Variants in GCNT3 observed in about 807,000 individuals in gnomAD.
The protein encoded by GCNT3 is beta-1,3-galactosyl-O-glycosyl-glycoprotein beta-1,6-N-acetylglucosaminyltransferase 3.
For missense variants in GCNT3, 708 were observed against 530.3 expected, an observed-to-expected ratio of 1.34 and a Z score of -3.29; for synonymous variants, 269 against 195.2, an observed-to-expected ratio of 1.38 and a Z score of -3.15.
At chr15:59,616,061 A>C (rs1022877881) in intron 1 of GCNT3, among the ~76,000 whole-genome samples, 1 of 152,224 alleles carries the variant, frequency 6.6e-6, no homozygotes, top group Non-Finnish European at 1.5e-5. Flanking sequence ...CTGAAGTCCA[A>C]CAGCCCATAG....
chr15:59,618,936 T>C lies in GCNT3; in HGVS notation c.698T>C (p.Ile233Thr). 2 of 1,614,074 alleles carry C rather than the reference T, an allele frequency of 1.2e-6. No homozygotes were observed. Among genetic ancestry groups the C allele is most frequent in the Non-Finnish European group, 1.7e-6 (2 of 1,180,012 alleles). The change falls in exon 3 of 3, where the codon ATA (isoleucine) becomes ACA (threonine). Residue 233 changes from isoleucine to threonine, a missense_variant. Transcript: ENST00000396065. ...FLNTCGTDFP[I>T]KSNAEMVQAL... ...AATACATGTGGGACGGACTTTCCTA[T>C]AAAGAGCAATGCAGAGATGGTCCAG...
rs529935110 is a variant in GCNT3, at chr15:59,616,696, T to G, written c.-246T>G. On this transcript the variant is annotated 5_prime_UTR_variant, in exon 2 of 3. It adds an upstream start codon to the 5' untranslated region. Coordinates refer to ENST00000396065, the MANE Select transcript of GCNT3 (RefSeq NM_004751.3). Reference sequence around the variant, plus strand: ...CTGCTGCCCTCTACTTTGCAGATATTAAAGAGGAGCCTGAAACTGTTCCTT... The same window carrying G: ...CTGCTGCCCTCTACTTTGCAGATATGAAAGAGGAGCCTGAAACTGTTCCTT... 7.9e-5 allele frequency: 12 copies of G among 152,322 alleles called. No individual in the cohort carries two copies. In the East Asian group the frequency reaches 2.3e-3, roughly 29 times the overall value. 9.4% of individuals were successfully genotyped at this position (152,322 alleles called of 1,614,324 possible). A position where few individuals can be genotyped will look rare whatever the true frequency, so the allele number is the denominator to read the frequency against.
At position 59,618,454 on chromosome 15, in the gene GCNT3, G is replaced by T; in HGVS notation, c.216G>T (p.Gly72=). The change falls in exon 3 of 3, where the codon GGG becomes GGT. Residue 72 remains glycine (G), a synonymous_variant. Coordinates refer to ENST00000396065, the MANE Select transcript of GCNT3 (RefSeq NM_004751.3). ...LPAKRSINCS[G]VTRGDQEAVL... The stretch of plus-strand genomic sequence containing the variant: ...CAAAGAGGTCTATCAACTGTTCAGG[G>T]GTCACCCGAGGGGACCAAGAGGCAG... The T allele has an allele frequency of 6.2e-7, 1 of 1,613,950 alleles. No individual in the cohort carries two copies. Among genetic ancestry groups the T allele is most frequent in the Non-Finnish European group, 8.5e-7 (1 of 1,179,916 alleles).
At chr15:59,613,881 G>T (rs59896845) in intron 1 of GCNT3, among the ~76,000 whole-genome samples, 9,662 of 152,216 alleles carry the variant, frequency 0.063, 591 homozygotes, top group East Asian at 0.29. Context: ...GCTGGGCATG[G>T]TGGCTTGTGC....
chr15:59,613,534 CAATAAATAAATAAATAAATAAATA>C (rs199605633), intron 1 of GCNT3, among the ~76,000 whole-genome samples: 6 of 135,432 alleles, frequency 4.4e-5, no homozygotes, highest in South Asian at 4.8e-4. Context: ...TCCATCTCTA[CAATAAATAAATAAATAAATAAATA>C]AATAAATAAA....
In GCNT3 at chr15:59,616,727, T is replaced by A. The variant is rs2082721259; in HGVS notation, c.-215T>A. ...GGAGCCTGAAACTGTTCCTTGGACA[T>A]CTTATGAATGTCAGAAAATACCTTT... On this transcript the variant is annotated 5_prime_UTR_variant, in exon 2 of 3. Transcript: ENST00000396065. 1 of 152,202 alleles carries A rather than the reference T, an allele frequency of 6.6e-6. No individual in the cohort carries two copies. Among genetic ancestry groups the A allele is most frequent in the South Asian group, 2.1e-4 (1 of 4,834 alleles). The allele number at this position is 152,202 out of a possible 1,614,324, so 9.4% of individuals were successfully genotyped here.
In GCNT3 at chr15:59,611,952, A is replaced by G. The variant is rs936915660; in HGVS notation, c.-280A>G. ...CATGACCTCAAGGAGCTTCCTGTCA[A>G]TGAGAAGACCAAGCTGACGCCTGGC... On this transcript the variant is annotated 5_prime_UTR_variant, in exon 1 of 3. The change abolishes an upstream ATG in the 5' untranslated region. Transcript: ENST00000396065. 1 of 152,218 alleles carries G rather than the reference A, an allele frequency of 6.6e-6. No individual in the cohort carries two copies. The highest frequency in any genetic ancestry group is 6.5e-5 in the Admixed American group (1 of 15,276). 9.4% of individuals were successfully genotyped at this position (152,218 alleles called of 1,614,324 possible).
Position 59,620,286 on chromosome 15 carries a change from GC to G in GCNT3, c.*733del, listed in dbSNP as rs2082741696. The G allele has an allele frequency of 6.1e-6, 1 of 162,872 alleles. No individual in the cohort carries two copies. Among genetic ancestry groups the G allele is most frequent in the South Asian group, 2.1e-4 (1 of 4,826 alleles). 10.1% of individuals were successfully genotyped at this position (162,872 alleles called of 1,614,324 possible). ...AGGTTCAAGCGATACTCCCACCTCA[GC>G]CTCCTGAGTAGCTGGGACTACAGGC... On this transcript the variant is annotated 3_prime_UTR_variant, in exon 3 of 3. Transcript: ENST00000396065.
rs148776476 is a variant in GCNT3, at chr15:59,619,243, C to G, written c.1005C>G (p.Thr335=). Residue 335 remains threonine (T), a synonymous_variant, in exon 3 of 3, where the codon ACC becomes ACG. Coordinates refer to ENST00000396065, the MANE Select transcript of GCNT3 (RefSeq NM_004751.3). The part of the protein sequence containing the change: ...TYSPDEHLWA[T]LQRARWMPGS... ...GCCCAGATGAACACCTCTGGGCCACCCTTCAGCGTGCACGGTGGATGCCTG... is the reference window on the plus strand; with the variant it reads ...GCCCAGATGAACACCTCTGGGCCACGCTTCAGCGTGCACGGTGGATGCCTG... The G allele has an allele frequency of 5.6e-6, 9 of 1,613,928 alleles. No individual in the cohort carries two copies. The African/African-American group carries it at 6.7e-5, about 12-fold the overall frequency.
chr15:59,618,581 G>T lies in GCNT3; in HGVS notation c.343G>T (p.Ala115Ser). 1 of 1,614,056 alleles carries T rather than the reference G, an allele frequency of 6.2e-7. No homozygotes were observed. The highest frequency in any genetic ancestry group is 8.5e-7 in the Non-Finnish European group (1 of 1,179,968). Residue 115 changes from alanine to serine, a missense_variant, in exon 3 of 3, where the codon GCT becomes TCT. Ala to Ser is a moderately conservative substitution (Grantham distance 99). Coordinates refer to ENST00000396065, the MANE Select transcript of GCNT3 (RefSeq NM_004751.3). Reference protein sequence around the residue: ...SLTRDCEHFKAERKFIQFPLS... With the variant: ...SLTRDCEHFKSERKFIQFPLS... ...CACCAGAGACTGTGAGCACTTCAAG[G>T]CTGAAAGGAAGTTCATACAGTTCCC...
At chr15:59,617,178 C>T (rs7182379) in intron 2 of GCNT3, among the ~76,000 whole-genome samples, 134,418 of 137,116 alleles carry the variant, frequency 0.98, 65,918 homozygotes, top group East Asian at 0.99. Context: ...TTCTTTCTTT[C>T]TTTTTTTTTT....
intron 1 of GCNT3, among the ~76,000 whole-genome samples, chr15:59,614,415 G>C (rs1321289745): frequency 6.6e-6 from 1 of 152,180 alleles, no homozygotes; most frequent in Non-Finnish European, 1.5e-5. Context: ...AGTTCATTAA[G>C]AAAGTAAAGG....
At chr15:59,617,191 T>TTTTTTTTTTTTTTTTTTTTTTTTTTA (rs1555392374) in intron 2 of GCNT3, among the ~76,000 whole-genome samples, 1 of 145,764 alleles carries the variant, frequency 6.9e-6, no homozygotes, top group African/African-American at 2.5e-5. Context: ...TTTTTTTTTT[T>TTTTTTTTTTTTTTTTTTTTTTTTTTA]AAAGGGGCTT....
Position 59,619,397 on chromosome 15 carries a change from C to G in GCNT3, c.1159C>G (p.Gln387Glu). The G allele has an allele frequency of 1.2e-6, 2 of 1,614,108 alleles. No homozygotes were observed. The highest frequency in any genetic ancestry group is 2.7e-5 in the African/African-American group (2 of 75,018). ...APYAPCSGIH[Q>E]RAICVYGAGD... ...TTATGCTCCCTGCTCTGGAATCCAC[C>G]AGCGGGCTATCTGCGTTTATGGGGC... The change falls in exon 3 of 3, where the codon CAG (glutamine) becomes GAG (glutamate). Residue 387 changes from glutamine to glutamate, a missense_variant. Transcript: ENST00000396065.
In GCNT3 at chr15:59,618,575, T is replaced by C. The variant is rs138908979; in HGVS notation, c.337T>C (p.Phe113Leu). Residue 113 changes from phenylalanine (F) to leucine (L), a missense_variant, in exon 3 of 3, where the codon TTC becomes CTC. By Grantham distance (22) the Phe-to-Leu change is conservative. Coordinates refer to ENST00000396065, the MANE Select transcript of GCNT3 (RefSeq NM_004751.3). ...CTCCCTCACCAGAGACTGTGAGCACTTCAAGGCTGAAAGGAAGTTCATACA... is the reference window on the plus strand; with the variant it reads ...CTCCCTCACCAGAGACTGTGAGCACCTCAAGGCTGAAAGGAAGTTCATACA... Reference protein sequence around the residue: ...YLSLTRDCEHFKAERKFIQFP... With the variant: ...YLSLTRDCEHLKAERKFIQFP... 4 of 1,613,992 alleles carry C rather than the reference T, an allele frequency of 2.5e-6. No homozygotes were observed. The highest frequency in any genetic ancestry group is 3.4e-6 in the Non-Finnish European group (4 of 1,179,980).
At chr15:59,613,534 CAATAAATAAATA>C (rs199605633) in intron 1 of GCNT3, among the ~76,000 whole-genome samples, 9,564 of 135,434 alleles carry the variant, frequency 0.071, 600 homozygotes, top group East Asian at 0.29. Flanking sequence ...TCCATCTCTA[CAATAAATAAATA>C]AATAAATAAA....
chr15:59,615,450 A>G (rs1484816957), intron 1 of GCNT3, among the ~76,000 whole-genome samples: 1 of 152,194 alleles, frequency 6.6e-6, no homozygotes, highest in Non-Finnish European at 1.5e-5. Context: ...TTTCAATTTA[A>G]TAATTTTCAG....
rs1890939079 is a variant in GCNT3 at position 59,621,837 on chromosome 15, G to A, written c.*2282G>A. ...CTGGTCTGAACTCCTGACCTCAAGT[G>A]ATCCACTTGCCTTGGCTTCCCAAAG... On this transcript the variant is annotated 3_prime_UTR_variant, in exon 3 of 3. Transcript: ENST00000396065. 1 of 150,670 alleles carries A rather than the reference G, an allele frequency of 6.6e-6. No homozygotes were observed. Among genetic ancestry groups the A allele is most frequent in the Admixed American group, 6.6e-5 (1 of 15,144 alleles). 9.3% of individuals were successfully genotyped at this position (150,670 alleles called of 1,614,324 possible).
chr15:59,612,463 G>A (rs570517202), intron 1 of GCNT3, among the ~76,000 whole-genome samples: 2 of 152,276 alleles, frequency 1.3e-5, no homozygotes, highest in South Asian at 4.1e-4. Context: ...CAGTTCTTGG[G>A]ATGTCTAAAT....
Sources: allele counts gnomAD v4.1 joint callset (sites outside exome capture counted in the v4.1 genomes callset), GRCh38; gene constraint gnomAD v4.1.1; transcripts MANE v1.5; gene names NCBI Gene and HGNC (gene_info 2026-07-23, HGNC 2026-07-21).